The following ROBO2 variants were observed in gnomAD, a reference collection of about 807,000 sequenced individuals.
The protein encoded by ROBO2 is roundabout homolog 2.
ROBO2 carries 53 observed loss-of-function variants against 160.8 expected under a neutral mutation model. That is an observed-to-expected ratio of 0.33 (90% CI 0.26 to 0.41). The LOEUF is 0.41. ROBO2 is among the 10% of genes least tolerant of loss of function. The probability of loss-of-function intolerance (pLI) is 1.00; values close to 1 mark genes in which losing one functional copy is unlikely to be tolerated. For missense variants in ROBO2, 1,577 were observed against 1,722.4 expected (o/e 0.92, Z 1.49); for synonymous variants, 664 against 611.7 (o/e 1.09, Z -1.26).
At chr3:75,932,569 T>C (rs1219596321) in intron 1 of ROBO2, among the ~76,000 whole-genome samples, 1 of 152,198 alleles carries the variant, frequency 6.6e-6, no homozygotes, top group Non-Finnish European at 1.5e-5. Flanking sequence ...TCGTGTGTTA[T>C]TCAGAAGCAG....
At chr3:75,921,964 C>T (rs2106838654) in intron 1 of ROBO2, among the ~76,000 whole-genome samples, 1 of 152,254 alleles carries the variant, frequency 6.6e-6, no homozygotes, top group East Asian at 1.9e-4. Flanking sequence ...ATGTTTTATA[C>T]TACTCAGACC....
At chr3:77,450,193 G>T (rs1277255742) in intron 2 of ROBO2, among the ~76,000 whole-genome samples, 2 of 152,074 alleles carry the variant, frequency 1.3e-5, no homozygotes, top group Admixed American at 1.3e-4. Flanking sequence ...ATTTAAAATT[G>T]AGAATCCAGT....
At chr3:76,965,783 G>GTATATATATATA (rs1392105349) in intron 2 of ROBO2, among the ~76,000 whole-genome samples, 4 of 68,014 alleles carry the variant, frequency 5.9e-5, no homozygotes, top group African/African-American at 3.9e-4. Flanking sequence ...TATTGTGTTT[G>GTATATATATATA]TGTATATATA....
chr3:75,978,584 T>C (rs1227045981), intron 2 of ROBO2, among the ~76,000 whole-genome samples: 2 of 151,488 alleles, frequency 1.3e-5, no homozygotes, highest in Non-Finnish European at 3.0e-5. Context: ...ACTGTAGTTA[T>C]GTATATTTAA....
At chr3:76,261,893 A>G (rs1410144458) in intron 2 of ROBO2, among the ~76,000 whole-genome samples, 1 of 152,188 alleles carries the variant, frequency 6.6e-6, no homozygotes, top group African/African-American at 2.4e-5. Flanking sequence ...AAAGTATTTT[A>G]TAGAACAGGT....
Position 76,849,555 on chromosome 3 carries a change from T to C in ROBO2, c.110-248459T>C, listed in dbSNP as rs11929567. Among the ~76,000 whole-genome samples the C allele has an allele frequency of 9.6e-3, 1,465 of 152,294 alleles. 15 individuals carry two copies. Among genetic ancestry groups the C allele is most frequent in the African/African-American group, 0.034 (1,419 of 41,562 alleles). Reference sequence around the variant, plus strand: ...CATAAGCTATCTCCCAAATTATAAATAGTAATACATTAAATTATAAATGCT... The same window carrying C: ...CATAAGCTATCTCCCAAATTATAAACAGTAATACATTAAATTATAAATGCT... On this transcript the variant is annotated intron_variant, in intron 2 of 26. Transcript: ENST00000487694.
At chr3:76,523,984 GTA>G (rs1270818896) in intron 2 of ROBO2, among the ~76,000 whole-genome samples, 43 of 119,776 alleles carry the variant, frequency 3.6e-4, no homozygotes, top group South Asian at 8.0e-4. Context: ...GTGTGTGTGT[GTA>G]TGTGTGTGTG....
At chr3:76,621,294 T>C (rs11917018) in intron 2 of ROBO2, among the ~76,000 whole-genome samples, 52,414 of 152,074 alleles carry the variant, frequency 0.34, 9,441 homozygotes, top group Middle Eastern at 0.43. Flanking sequence ...TGTACTCATA[T>C]CCTTTTTGGC....
At chr3:76,228,113 A>G (rs1372122908) in intron 2 of ROBO2, among the ~76,000 whole-genome samples, 1 of 152,194 alleles carries the variant, frequency 6.6e-6, no homozygotes, top group Admixed American at 6.5e-5. Context: ...GGATGTTTAA[A>G]AACATGTAAA....
At chr3:77,027,889 C>T (rs569306222) in intron 2 of ROBO2, among the ~76,000 whole-genome samples, 18 of 151,866 alleles carry the variant, frequency 1.2e-4, no homozygotes, top group African/African-American at 3.6e-4. Context: ...AAAAGTGAAG[C>T]GGGTAGAAAG....
rs766909322 is a variant in ROBO2 at position 77,568,443 on chromosome 3, T to G, written c.1971+9T>G. The G allele has an allele frequency of 5.0e-6, 8 of 1,612,470 alleles. No individual in the cohort carries two copies. Among genetic ancestry groups the G allele is most frequent in the Non-Finnish European group, 6.8e-6 (8 of 1,179,092 alleles). ...TTCAGGTCACATGGACGGTAAGCTT[T>G]CAAAGGCAATGTTAATAGTAATCTC... is the stretch of plus-strand genomic sequence containing the variant. On this transcript the variant is annotated intron_variant, in intron 13 of 25. Transcript: ENST00000461745.
intron 2 of ROBO2, among the ~76,000 whole-genome samples, chr3:75,984,979 C>A (rs1016302562): frequency 6.6e-5 from 10 of 151,378 alleles, no homozygotes; most frequent in African/African-American, 2.4e-4. Flanking sequence ...GCTTTCTAAT[C>A]CCTATTAGTA....
chr3:77,130,177 G>C (rs922805011), intron 2 of ROBO2, among the ~76,000 whole-genome samples: 2 of 152,038 alleles, frequency 1.3e-5, no homozygotes, highest in Non-Finnish European at 2.9e-5. Context: ...ACTCTCAAAT[G>C]GTCATTGTCA....
At chr3:76,636,333 G>A (rs1014897406) in intron 2 of ROBO2, among the ~76,000 whole-genome samples, 11 of 152,176 alleles carry the variant, frequency 7.2e-5, no homozygotes, top group Non-Finnish European at 7.3e-5. Flanking sequence ...GAATAATATT[G>A]ACATCTGCCT....
chr3:77,220,375 T>C (rs2085629025), intron 2 of ROBO2, among the ~76,000 whole-genome samples: 1 of 152,100 alleles, frequency 6.6e-6, no homozygotes, highest in South Asian at 2.1e-4. Context: ...AATTACATTT[T>C]AACTGCAAAT....
intron 2 of ROBO2, among the ~76,000 whole-genome samples, chr3:77,301,378 G>T (rs550870159): frequency 6.6e-6 from 1 of 152,074 alleles, no homozygotes; most frequent in Non-Finnish European, 1.5e-5. Flanking sequence ...AATTGCATTG[G>T]CTAAGTGTAA....
intron 2 of ROBO2, among the ~76,000 whole-genome samples, chr3:77,311,770 G>T (rs565249876): frequency 5.3e-5 from 8 of 151,844 alleles, no homozygotes; most frequent in Non-Finnish European, 1.0e-4. Flanking sequence ...TCATTCTTTC[G>T]TCTTTTCATA....
chr3:76,786,863 G>T (rs1307645296), intron 2 of ROBO2, among the ~76,000 whole-genome samples: 1 of 151,272 alleles, frequency 6.6e-6, no homozygotes, highest in African/African-American at 2.4e-5. Context: ...TTCTCACACT[G>T]CTATAAAGAG....
At chr3:76,740,950 T>G (rs28487569) in intron 2 of ROBO2, among the ~76,000 whole-genome samples, 2,754 of 152,242 alleles carry the variant, frequency 0.018, 69 homozygotes, top group African/African-American at 0.058. Context: ...ATCTTATCCT[T>G]ATTATTTTAA....
Sources: allele counts gnomAD v4.1 joint callset (sites outside exome capture counted in the v4.1 genomes callset), GRCh38; gene constraint gnomAD v4.1.1; transcripts MANE v1.5; gene names NCBI Gene and HGNC (gene_info 2026-07-23, HGNC 2026-07-21).